TBX15: variants seen among roughly 807,000 people sequenced by gnomAD.
TBX15 encodes the protein T-box transcription factor TBX15.
TBX15 carries 18 observed loss-of-function variants against 53.9 expected under a neutral mutation model. The ratio of observed to expected loss-of-function variants is 0.33; its 90% CI spans 0.23 to 0.49. The LOEUF is 0.49. Ranked by LOEUF, TBX15 falls within the 20% of genes least tolerant of loss-of-function variation. The pLI is 0.98. For synonymous variants in TBX15, 295 were observed against 278.0 expected, an observed-to-expected ratio of 1.06 and a Z score of -0.61; for missense variants, 692 against 749.5, an observed-to-expected ratio of 0.92 and a Z score of 0.90.
chr1:118,902,767 C>A (rs1003415492), intron 6 of TBX15, among the ~76,000 whole-genome samples: 1 of 152,120 alleles, frequency 6.6e-6, no homozygotes, highest in Non-Finnish European at 1.5e-5. Context: ...CACCTCCCAT[C>A]TTTTCTTTTG....
intron 6 of TBX15, among the ~76,000 whole-genome samples, chr1:118,904,358 A>C (rs933130912): frequency 2.0e-5 from 3 of 152,188 alleles, no homozygotes; most frequent in Non-Finnish European, 4.4e-5. Context: ...TGGATCTGAA[A>C]TAGAATTACT....
intron 1 of TBX15, among the ~76,000 whole-genome samples, chr1:118,948,788 T>C (rs1410738441): frequency 2.6e-5 from 4 of 152,218 alleles, no homozygotes; most frequent in African/African-American, 9.6e-5. Flanking sequence ...AGAAAGACCC[T>C]ACCATGGTTT....
rs865799638 is a variant in TBX15 at position 118,883,875 on chromosome 1, C to G, written c.*857G>C. The G allele has an allele frequency of 6.5e-6, 1 of 152,762 alleles. No homozygotes were observed. The highest frequency in any genetic ancestry group is 1.5e-5 in the Non-Finnish European group (1 of 68,180). 9.5% of individuals were successfully genotyped at this position (152,762 alleles called of 1,614,324 possible). On this transcript the variant is annotated 3_prime_UTR_variant, in exon 8 of 8. Coordinates refer to ENST00000369429, the MANE Select transcript of TBX15 (RefSeq NM_001330677.2). The stretch of plus-strand genomic sequence containing the variant: ...GGGGGGACAAACCAAAAACACGTCT[C>G]CTTGGTGAATTAAAATTCTCATCAT...
intron 2 of TBX15, 103 bp downstream of exon 2, chr1:118,931,516 G>T: frequency 1.6e-6 from 2 of 1,236,958 alleles, no homozygotes; most frequent in Non-Finnish European, 1.2e-6. Flanking sequence ...AAGCTGCTTT[G>T]GTTTTGTTGA....
intron 2 of TBX15, among the ~76,000 whole-genome samples, chr1:118,930,159 C>A (rs982812733): frequency 6.6e-6 from 1 of 152,150 alleles, no homozygotes; most frequent in African/African-American, 2.4e-5. Context: ...TTTGTCATAT[C>A]TTATTGTTTT....
intron 1 of TBX15, among the ~76,000 whole-genome samples, chr1:118,940,018 T>A (rs535098294): frequency 1.4e-4 from 21 of 152,026 alleles, no homozygotes; most frequent in African/African-American, 4.8e-4. Flanking sequence ...ATTGAATTAG[T>A]CTGACACTAG....
In TBX15 at chr1:118,890,941, T is replaced by C. The variant is rs140166224; in HGVS notation, c.1025-5425A>G. 403 of 1,304,160 alleles carry C rather than the reference T, an allele frequency of 3.1e-4. 2 individuals are homozygous for C. In the African/African-American group the frequency reaches 5.2e-3, roughly 17 times the overall value. 80.8% of individuals were successfully genotyped at this position (1,304,160 alleles called of 1,614,324 possible). A position where few individuals can be genotyped will look rare whatever the true frequency, so the allele number is the denominator to read the frequency against. ...CTCTGAGGAGTGCTGATTCACTGTG[T>C]ATCCTTGAGAAGTCTTCTTTGAGGC... On this transcript the variant is annotated intron_variant, in intron 7 of 7. Coordinates refer to ENST00000369429, the MANE Select transcript of TBX15 (RefSeq NM_001330677.2).
Position 118,923,539 on chromosome 1 carries a change from C to T in TBX15, c.758G>A (p.Ser253Asn). ...AACAGGCTTAGTGGGTGAAAGGTCACTGCTGAAGTCTTTGCGAATCACATG... is the reference window on the plus strand; with the variant it reads ...AACAGGCTTAGTGGGTGAAAGGTCATTGCTGAAGTCTTTGCGAATCACATG... ...RVHVIRKDFS[S>N]DLSPTKPVPV... Residue 253 changes from serine to asparagine, a missense_variant, in exon 5 of 8, where the codon AGT (serine) becomes AAT (asparagine). By Grantham distance (46) the Ser-to-Asn change is conservative. This residue lies in a region of TBX15 where 307 missense variants were observed against 347.5 expected (regional missense o/e 0.88). Transcript: ENST00000369429. The T allele has an allele frequency of 6.2e-7, 1 of 1,614,022 alleles. No homozygotes were observed. The highest frequency in any genetic ancestry group is 8.5e-7 in the Non-Finnish European group (1 of 1,179,936).
intron 1 of TBX15, among the ~76,000 whole-genome samples, chr1:118,980,925 C>T (rs1364085942): frequency 6.6e-6 from 1 of 152,044 alleles, no homozygotes; most frequent in Non-Finnish European, 1.5e-5. Flanking sequence ...CTCCGCCTCC[C>T]TGGTTCAAGC....
chr1:118,959,321 A>G (rs1285277946), intron 1 of TBX15, among the ~76,000 whole-genome samples: 1 of 152,192 alleles, frequency 6.6e-6, no homozygotes, highest in Non-Finnish European at 1.5e-5. Context: ...AGACATCTGC[A>G]AGAGAGACCA....
In TBX15 at chr1:118,923,535, G is replaced by C. The variant is rs778105423; in HGVS notation, c.762C>G (p.Asp254Glu). ...VHVIRKDFSS[D>E]LSPTKPVPVG... ...CAGGAACAGGCTTAGTGGGTGAAAG[G>C]TCACTGCTGAAGTCTTTGCGAATCA... is the stretch of plus-strand genomic sequence containing the variant. The change falls in exon 5 of 8, where the codon GAC becomes GAG. Residue 254 changes from aspartate to glutamate, a missense_variant. Around this residue, in one of 3 missense-constraint regions of TBX15, gnomAD observed 307 missense variants for 347.5 expected, o/e 0.88. Transcript: ENST00000369429. 2.5e-6 allele frequency: 4 copies of C among 1,614,010 alleles called. No individual in the cohort carries two copies. The Admixed American group carries it at 5.0e-5, about 20-fold the overall frequency.
intron 5 of TBX15, among the ~76,000 whole-genome samples, chr1:118,916,402 A>T (rs1342204271): frequency 6.6e-6 from 1 of 152,190 alleles, no homozygotes; most frequent in Admixed American, 6.5e-5. Flanking sequence ...AGCATTTCTT[A>T]AGAAAGGCAC....
chr1:118,885,598 G>T, intron 7 of TBX15, 82 bp from the exon 8 acceptor site: 1 of 1,520,462 alleles, frequency 6.6e-7, no homozygotes, highest in Non-Finnish European at 8.9e-7. Flanking sequence ...CATACAGGAG[G>T]TGCCTTCAAA....
chr1:118,960,215 A>G (rs1656822448), intron 1 of TBX15, among the ~76,000 whole-genome samples: 1 of 152,082 alleles, frequency 6.6e-6, no homozygotes, highest in South Asian at 2.1e-4. Context: ...TGCTGTGTTT[A>G]TGGGCCTGAC....
intron 7 of TBX15, among the ~76,000 whole-genome samples, chr1:118,895,243 G>A (rs1654382519): frequency 6.6e-6 from 1 of 152,202 alleles, no homozygotes; most frequent in South Asian, 2.1e-4. Context: ...GAACTCGGTA[G>A]TGATGTCCAC....
At chr1:118,933,916 C>A (rs975296014) in intron 1 of TBX15, among the ~76,000 whole-genome samples, 4 of 152,034 alleles carry the variant, frequency 2.6e-5, no homozygotes, top group Non-Finnish European at 4.4e-5. Flanking sequence ...TAAGTAGGAC[C>A]CAACAGAAAT....
chr1:118,900,866 A>G (rs1158630441), intron 6 of TBX15, among the ~76,000 whole-genome samples: 2 of 152,132 alleles, frequency 1.3e-5, no homozygotes, highest in African/African-American at 4.8e-5. Flanking sequence ...CACCCACCAG[A>G]ATATCTTAGG....
intron 6 of TBX15, 109 bp from the exon 7 acceptor site, chr1:118,899,234 C>T (rs1654533911): frequency 1.0e-6 from 1 of 970,832 alleles, no homozygotes; most frequent in Non-Finnish European, 1.6e-6. Context: ...AACATAGATA[C>T]TAAGCTACCA....
chr1:118,977,674 C>G (rs1361370293), intron 1 of TBX15, among the ~76,000 whole-genome samples: 1 of 152,198 alleles, frequency 6.6e-6, no homozygotes, highest in Non-Finnish European at 1.5e-5. Flanking sequence ...ACACTAGAAA[C>G]CCTCCTAGGT....
Sources: gnomAD v4.1 joint callset for allele counts (sites outside exome capture counted in the v4.1 genomes callset) on GRCh38, gnomAD v4.1.1 for gene constraint, gnomAD v4.1.1 regional missense constraint, MANE v1.5 for transcripts, NCBI Gene and HGNC (gene_info 2026-07-23, HGNC 2026-07-21) for gene names.